Variants in RARB observed in about 807,000 individuals in gnomAD.
RARB encodes the protein retinoic acid receptor beta, also known as HBV-activated protein.
Under a neutral mutation model 51.9 loss-of-function variants are expected in RARB, and 17 were observed. That is an observed-to-expected ratio of 0.33 (90% confidence interval 0.22 to 0.49). The LOEUF (loss-of-function observed/expected upper bound fraction) is 0.49. Among genes scored for constraint, RARB ranks in the 20% least tolerant of loss-of-function variants. The probability of loss-of-function intolerance (pLI) is 0.99; values close to 1 mark genes in which losing one functional copy is unlikely to be tolerated. For synonymous variants in RARB, 215 were observed against 195.4 expected (o/e 1.10, Z -0.84); for missense variants, 369 against 550.8 (o/e 0.67, Z 3.30).
At chr3:25,173,734 G>T (rs187710660) in intron 4 of RARB, among the ~76,000 whole-genome samples, 1 of 152,298 alleles carries the variant, frequency 6.6e-6, no homozygotes, top group Admixed American at 6.5e-5. Context: ...GGAGCTTAAA[G>T]CATAACTGTT....
intron 5 of RARB, among the ~76,000 whole-genome samples, chr3:25,344,323 G>C (rs906241772): frequency 6.6e-6 from 1 of 152,144 alleles, no homozygotes; most frequent in Non-Finnish European, 1.5e-5. Flanking sequence ...TGAGGTCCCT[G>C]AGAATCTTAG....
chr3:24,924,316 A>G lies in RARB; in HGVS notation c.-380+65564A>G, dbSNP rs181488025. On this transcript the variant is annotated intron_variant, in intron 2 of 11. Coordinates refer to the RARB transcript ENST00000383772. ...GCTCAGCTGAAGAATTGTGATTGGA[A>G]AAATCCTTGGACTCTAGAATGGGAC... is the stretch of plus-strand genomic sequence containing the variant. Among the ~76,000 whole-genome samples, 896 of 152,274 alleles carry G rather than the reference A, an allele frequency of 5.9e-3. 14 individuals are homozygous for G. Among genetic ancestry groups the G allele is most frequent in the South Asian group, 0.018 (86 of 4,826 alleles).
At chr3:25,020,349 G>C (rs1018980218) in intron 2 of RARB, 2 of 151,878 alleles carry the variant, frequency 1.3e-5, no homozygotes, top group Non-Finnish European at 2.9e-5. Flanking sequence ...ACCAAACTTA[G>C]TGTAGACACC....
intron 5 of RARB, among the ~76,000 whole-genome samples, chr3:25,224,920 T>C (rs904009829): frequency 6.6e-6 from 1 of 152,134 alleles, no homozygotes; most frequent in African/African-American, 2.4e-5. Context: ...TATTATATAC[T>C]GTACCTAAGC....
intron 4 of RARB, among the ~76,000 whole-genome samples, chr3:25,158,704 CAT>C (rs1283062148): frequency 6.6e-6 from 1 of 152,166 alleles, no homozygotes; most frequent in Non-Finnish European, 1.5e-5. Flanking sequence ...CCAGTTATAA[CAT>C]AGATCTGCAC....
intron 5 of RARB, among the ~76,000 whole-genome samples, chr3:25,185,152 T>A (rs1284145880): frequency 6.6e-6 from 1 of 151,794 alleles, no homozygotes; most frequent in Admixed American, 6.6e-5. Flanking sequence ...CAAGATATAT[T>A]TTTTTTTAAT....
chr3:25,322,458 A>C (rs1046265182), intron 5 of RARB, among the ~76,000 whole-genome samples: 2 of 152,230 alleles, frequency 1.3e-5, no homozygotes, highest in African/African-American at 4.8e-5. Flanking sequence ...TGATTTTCTT[A>C]CTGGCCAAGT....
chr3:24,958,858 A>C (rs1696079168), intron 2 of RARB, among the ~76,000 whole-genome samples: 2 of 152,322 alleles, frequency 1.3e-5, no homozygotes, highest in Admixed American at 6.5e-5. Flanking sequence ...AAACACGTGA[A>C]ACAGGAAATT....
At chr3:25,462,450 C>T (rs1695233389) in intron 2 of RARB, 1 of 152,168 alleles carries the variant, frequency 6.6e-6, no homozygotes, top group Admixed American at 6.5e-5. Context: ...TTGTTTACAT[C>T]TGTTGTTTAT....
At chr3:24,988,939 C>T (rs187400104) in intron 2 of RARB, among the ~76,000 whole-genome samples, 536 of 152,314 alleles carry the variant, frequency 3.5e-3, no homozygotes, top group African/African-American at 0.012. Flanking sequence ...AATTCTCCTG[C>T]CTCAGCTTCC....
intron 1 of RARB, among the ~76,000 whole-genome samples, chr3:24,846,182 G>C (rs1305211496): frequency 6.6e-6 from 1 of 152,170 alleles, no homozygotes; most frequent in African/African-American, 2.4e-5. Context: ...TCTGCAATCT[G>C]CCTGCTGGGT....
intron 5 of RARB, among the ~76,000 whole-genome samples, chr3:25,351,223 G>A (rs1345293260): frequency 6.6e-6 from 1 of 151,994 alleles, no homozygotes; most frequent in Non-Finnish European, 1.5e-5. Context: ...GATGGAGAGG[G>A]GCGGGCAGGC....
chr3:25,410,325 G>A (rs1031034910), intron 5 of RARB, among the ~76,000 whole-genome samples: 1 of 152,118 alleles, frequency 6.6e-6, no homozygotes, highest in Non-Finnish European at 1.5e-5. Context: ...TCACAAATCT[G>A]TCTCTCTTAC....
At chr3:25,335,833 A>G (rs1472551699) in intron 5 of RARB, among the ~76,000 whole-genome samples, 2 of 152,330 alleles carry the variant, frequency 1.3e-5, no homozygotes, top group Non-Finnish European at 2.9e-5. Context: ...TGGCCAGGGA[A>G]CAGTCCACAG....
chr3:25,034,852 G>A (rs145230172), intron 2 of RARB, among the ~76,000 whole-genome samples: 25 of 152,294 alleles, frequency 1.6e-4, no homozygotes, highest in African/African-American at 5.8e-4. Context: ...AGAAGACCTG[G>A]AAACATTGGA....
At chr3:25,248,818 G>C (rs527822304) in intron 5 of RARB, among the ~76,000 whole-genome samples, 4 of 152,166 alleles carry the variant, frequency 2.6e-5, no homozygotes, top group Non-Finnish European at 5.9e-5. Flanking sequence ...AGTCTGGTTG[G>C]GGTTCCCTTA....
At chr3:25,366,040 C>T (rs1003191428) in intron 5 of RARB, among the ~76,000 whole-genome samples, 1 of 152,174 alleles carries the variant, frequency 6.6e-6, no homozygotes, top group African/African-American at 2.4e-5. Context: ...ATGGAGAGTG[C>T]AGGACACATT....
chr3:24,832,168 C>G (rs1050725664), intron 1 of RARB, among the ~76,000 whole-genome samples: 15 of 152,072 alleles, frequency 9.9e-5, no homozygotes, highest in Non-Finnish European at 2.9e-5. Context: ...AAAATGCCAG[C>G]AAAACAGCTG....
chr3:25,375,351 T>C (rs1459627265), intron 5 of RARB, among the ~76,000 whole-genome samples: 2 of 152,206 alleles, frequency 1.3e-5, no homozygotes, highest in Non-Finnish European at 2.9e-5. Flanking sequence ...GTGGGTGTTG[T>C]AGGAAACACC....
Sources: allele counts gnomAD v4.1 joint callset (sites outside exome capture counted in the v4.1 genomes callset), GRCh38; gene constraint gnomAD v4.1.1; transcripts MANE v1.5; gene names NCBI Gene and HGNC (gene_info 2026-07-23, HGNC 2026-07-21).